Variants in KCNAB1 observed in about 807,000 individuals in gnomAD.
KCNAB1 encodes the protein potassium voltage-gated channel subfamily A regulatory beta subunit 1.
A neutral mutation model predicts 64.6 loss-of-function variants in KCNAB1; 35 were observed. The observed-to-expected ratio is 0.54, with a 90% CI of 0.41 to 0.72. The LOEUF (loss-of-function observed/expected upper bound fraction) is 0.72. KCNAB1 is among the 30% of genes least tolerant of loss of function. KCNAB1 has a pLI of 0.00. For missense variants in KCNAB1, 401 were observed against 512.9 expected, an observed-to-expected ratio of 0.78 and a Z score of 2.11; for synonymous variants, 177 against 183.8, an observed-to-expected ratio of 0.96 and a Z score of 0.30.
intron 1 of KCNAB1, among the ~76,000 whole-genome samples, chr3:156,309,000 T>C (rs1012085852): frequency 2.6e-5 from 4 of 152,196 alleles, no homozygotes; most frequent in Non-Finnish European, 5.9e-5. Flanking sequence ...TCCCTTTTAA[T>C]TGGGGGTCCA....
chr3:156,248,880 G>A (rs1252572728), intron 1 of KCNAB1, among the ~76,000 whole-genome samples: 1 of 152,086 alleles, frequency 6.6e-6, no homozygotes, highest in Non-Finnish European at 1.5e-5. Context: ...CCAGGTGGCC[G>A]AGTGTAGAGG....
intron 2 of KCNAB1, among the ~76,000 whole-genome samples, chr3:156,449,711 T>A (rs1221192255): frequency 6.6e-6 from 1 of 152,238 alleles, no homozygotes; most frequent in Non-Finnish European, 1.5e-5. Flanking sequence ...TTTTATGGTA[T>A]CTTCATTTCT....
intron 2 of KCNAB1, among the ~76,000 whole-genome samples, chr3:156,428,852 C>G (rs1238102661): frequency 1.3e-5 from 2 of 152,150 alleles, no homozygotes; most frequent in African/African-American, 4.8e-5. Flanking sequence ...AAAGAACACC[C>G]CCATACCTTT....
intron 1 of KCNAB1, among the ~76,000 whole-genome samples, chr3:156,292,577 G>C (rs1233839306): frequency 6.6e-6 from 1 of 152,198 alleles, no homozygotes. Flanking sequence ...TCGCTCTGTT[G>C]CCCAGGCTGG....
At chr3:156,485,694 A>T (rs1215027513) in intron 8 of KCNAB1, among the ~76,000 whole-genome samples, 2 of 152,000 alleles carry the variant, frequency 1.3e-5, no homozygotes, top group African/African-American at 4.8e-5. Context: ...TGATCACCCA[A>T]ATAGTGAACA....
At chr3:156,300,011 G>A (rs1247305731) in intron 1 of KCNAB1, among the ~76,000 whole-genome samples, 1 of 152,092 alleles carries the variant, frequency 6.6e-6, no homozygotes, top group Non-Finnish European at 1.5e-5. Context: ...AGTCAAGTCA[G>A]GGAGAAAAAT....
At chr3:156,229,064 T>C (rs2108431453) in intron 1 of KCNAB1, among the ~76,000 whole-genome samples, 1 of 152,334 alleles carries the variant, frequency 6.6e-6, no homozygotes, top group South Asian at 2.1e-4. Flanking sequence ...GTCTCAGCCC[T>C]GAACACAGTC....
At chr3:156,211,661 A>T (rs1715014521) in intron 1 of KCNAB1, among the ~76,000 whole-genome samples, 1 of 152,204 alleles carries the variant, frequency 6.6e-6, no homozygotes, top group South Asian at 2.1e-4. Flanking sequence ...TGATTCAGTA[A>T]CGGAAAACTC....
intron 1 of KCNAB1, among the ~76,000 whole-genome samples, chr3:156,270,881 A>T (rs945678446): frequency 4.6e-5 from 7 of 152,186 alleles, no homozygotes; most frequent in Admixed American, 6.5e-5. Flanking sequence ...CTGATGATGA[A>T]ATCTCTCAGC....
intron 8 of KCNAB1, among the ~76,000 whole-genome samples, chr3:156,488,838 C>T (rs548633225): frequency 8.5e-5 from 13 of 152,176 alleles, no homozygotes; most frequent in African/African-American, 3.1e-4. Flanking sequence ...TAGCCGTGGA[C>T]TGTAATGTGG....
chr3:156,310,190 C>A (rs182789272), intron 1 of KCNAB1, among the ~76,000 whole-genome samples: 1 of 152,150 alleles, frequency 6.6e-6, no homozygotes, highest in Non-Finnish European at 1.5e-5. Context: ...TCTCTCCCTG[C>A]CCCCAAGCCA....
At chr3:156,237,042 CT>C (rs1234457667) in intron 1 of KCNAB1, among the ~76,000 whole-genome samples, 1 of 152,098 alleles carries the variant, frequency 6.6e-6, no homozygotes, top group African/African-American at 2.4e-5. Flanking sequence ...GGGCTAGGCT[CT>C]TTGTAAGGAC....
At position 156,531,507 on chromosome 3, in the gene KCNAB1, G is replaced by A. The variant is rs537869694; in HGVS notation, c.1170+10G>A. On this transcript the variant is annotated intron_variant, in intron 13 of 13. Transcript: ENST00000490337. Reference sequence around the variant, plus strand: ...CCTTGGTGCCATTCAGGCAAGTACTGCAGCCCCTTCCAACATCAGGGAATT... The same window carrying A: ...CCTTGGTGCCATTCAGGCAAGTACTACAGCCCCTTCCAACATCAGGGAATT... The A allele has an allele frequency of 2.5e-6, 4 of 1,591,296 alleles. No individual in the cohort carries two copies. The African/African-American group carries it at 4.0e-5, about 16-fold the overall frequency.
chr3:156,517,097 T>G (rs1717612720), intron 11 of KCNAB1, among the ~76,000 whole-genome samples: 1 of 152,236 alleles, frequency 6.6e-6, no homozygotes, highest in East Asian at 1.9e-4. Flanking sequence ...TACTCTCTAT[T>G]GTCAAGGGAG....
intron 1 of KCNAB1, among the ~76,000 whole-genome samples, chr3:156,414,576 G>T (rs182741614): frequency 6.6e-6 from 1 of 152,152 alleles, no homozygotes; most frequent in Non-Finnish European, 1.5e-5. Flanking sequence ...AGTACTTATG[G>T]GGTTTCTTGC....
intron 1 of KCNAB1, among the ~76,000 whole-genome samples, chr3:156,343,572 T>C (rs1724280578): frequency 6.6e-6 from 1 of 152,192 alleles, no homozygotes; most frequent in African/African-American, 2.4e-5. Context: ...TGGGAGGGTA[T>C]GGGGCTTATT....
chr3:156,217,111 C>G (rs962453698), intron 1 of KCNAB1: 1 of 152,160 alleles, frequency 6.6e-6, no homozygotes, highest in Non-Finnish European at 1.5e-5. Context: ...CAGCATTTTA[C>G]ACCCAAGGTA....
rs894973135 is a variant in KCNAB1, at chr3:156,538,426, T to C, written c.*1679T>C. 4.6e-5 allele frequency: 7 copies of C among 152,232 alleles called. No homozygotes were observed. The highest frequency in any genetic ancestry group is 1.7e-4 in the African/African-American group (7 of 41,462). 9.4% of individuals were successfully genotyped at this position (152,232 alleles called of 1,614,324 possible). Reference sequence around the variant, plus strand: ...TAGTACCTGTATTCTAACAGAGAGTTTGAATTTTTTGCCCGTGTTATCAGA... The same window carrying C: ...TAGTACCTGTATTCTAACAGAGAGTCTGAATTTTTTGCCCGTGTTATCAGA... On this transcript the variant is annotated 3_prime_UTR_variant, in exon 14 of 14. Coordinates refer to ENST00000490337, the MANE Select transcript of KCNAB1 (RefSeq NM_172160.3).
rs1008998286 is a variant in KCNAB1, at chr3:156,282,410, T to C, written c.276-139206T>C. Among the ~76,000 whole-genome samples, 16 of 142,716 alleles carry C rather than the reference T, an allele frequency of 1.1e-4. 1 individual carries two copies. Among genetic ancestry groups the C allele is most frequent in the Non-Finnish European group, 1.8e-4 (12 of 65,722 alleles). 93.6% of individuals were successfully genotyped at this position (142,716 alleles called of 152,430 possible). ...AGTATGTGGTCAATTTTGGAATAGGTGTGGTGTGGTGCTGAAAAAAATGTA... is the reference window on the plus strand; with the variant it reads ...AGTATGTGGTCAATTTTGGAATAGGCGTGGTGTGGTGCTGAAAAAAATGTA... On this transcript the variant is annotated intron_variant, in intron 1 of 13. Transcript: ENST00000490337.
Sources: allele counts gnomAD v4.1 joint callset (sites outside exome capture counted in the v4.1 genomes callset), GRCh38; gene constraint gnomAD v4.1.1; transcripts MANE v1.5; gene names NCBI Gene and HGNC (gene_info 2026-07-23, HGNC 2026-07-21).